Variants in IQCK observed in about 807,000 individuals in gnomAD.
IQCK encodes IQ domain-containing protein K.
In IQCK, 29 loss-of-function variants were observed where a neutral mutation model predicts 28.1. The observed-to-expected ratio is 1.03, with a 90% CI of 0.77 to 1.41. The LOEUF is 1.41. Ranked by LOEUF, IQCK falls within the 40% of genes most tolerant of loss-of-function variation. IQCK has a pLI of 0.00. For missense variants in IQCK, 359 were observed against 314.7 expected, an observed-to-expected ratio of 1.14 and a Z score of -1.07; for synonymous variants, 113 against 115.1, an observed-to-expected ratio of 0.98 and a Z score of 0.12.
At chr16:19,820,010 A>C (rs56871459) in intron 7 of IQCK, among the ~76,000 whole-genome samples, 3 of 152,048 alleles carry the variant, frequency 2.0e-5, no homozygotes, top group African/African-American at 7.3e-5. Flanking sequence ...CTCTTCAACA[A>C]ATGGCTCTGG....
At chr16:19,856,046 C>T (rs12930611) in intron 9 of IQCK, among the ~76,000 whole-genome samples, 11,439 of 152,090 alleles carry the variant, frequency 0.075, 700 homozygotes, top group South Asian at 0.28. Flanking sequence ...CAGACCATGA[C>T]ATAAGAGAAA....
In IQCK at chr16:19,825,886, G is replaced by A. The variant is rs2056142813; in HGVS notation, c.691-1140G>A. 6.6e-6 allele frequency among the ~76,000 whole-genome samples: 1 copy of A among 152,342 alleles called. No individual in the cohort carries two copies. The highest frequency in any genetic ancestry group is 6.5e-5 in the Admixed American group (1 of 15,306). ...TTAACTGTGGTGAACCTAGAACTGT[G>A]CTGTTCTATATAGTAGCCACCAGCT... On this transcript the variant is annotated intron_variant, in intron 7 of 7. Transcript: ENST00000564186. The surrounding 1 kb of genome is among the most constrained non-coding windows in gnomAD (Gnocchi z 4.2).
intron 9 of IQCK, among the ~76,000 whole-genome samples, chr16:19,849,629 G>T (rs1275861310): frequency 6.6e-6 from 1 of 151,816 alleles, no homozygotes; most frequent in Middle Eastern, 3.2e-3. Flanking sequence ...GGGCATGGTG[G>T]TGCACACCTG....
At chr16:19,776,249 G>C (rs2055393216) in intron 6 of IQCK, among the ~76,000 whole-genome samples, 2 of 152,142 alleles carry the variant, frequency 1.3e-5, no homozygotes, top group Admixed American at 1.3e-4. Context: ...TCTCAAGCCA[G>C]TGCATAGCAG....
intron 7 of IQCK, among the ~76,000 whole-genome samples, chr16:19,810,188 G>T (rs1567565804): frequency 6.6e-6 from 1 of 152,144 alleles, no homozygotes. Context: ...CCTTGACTCG[G>T]TTTCCTCTTT....
rs544985401 is a variant in IQCK, at chr16:19,767,613, G to A, written c.605+3501G>A. ...TTTCCGCTGAAGTGCTCCTCTCGAC[G>A]TTTGGCTGCCTGGGTGTCTGCCCGC... On this transcript the variant is annotated intron_variant, in intron 6 of 7. Transcript: ENST00000564186. 3.3e-5 allele frequency among the ~76,000 whole-genome samples: 5 copies of A among 152,192 alleles called. No individual in the cohort carries two copies. The South Asian group carries it at 6.2e-4, about 19-fold the overall frequency.
chr16:19,751,676 T>C (rs946949357), intron 4 of IQCK, among the ~76,000 whole-genome samples: 2 of 151,492 alleles, frequency 1.3e-5, no homozygotes, highest in African/African-American at 2.4e-5. Context: ...TAGCTTCCTT[T>C]AACAAAGAGC....
At chr16:19,766,375 C>T (rs1469833256) in intron 6 of IQCK, among the ~76,000 whole-genome samples, 1 of 152,220 alleles carries the variant, frequency 6.6e-6, no homozygotes, top group Non-Finnish European at 1.5e-5. Flanking sequence ...TGAGACCATC[C>T]ACGTGCCCTT....
chr16:19,718,705 G>A (rs927589313), intron 1 of IQCK, among the ~76,000 whole-genome samples: 2 of 152,252 alleles, frequency 1.3e-5, no homozygotes, highest in African/African-American at 4.8e-5. Flanking sequence ...TCCGTAGTGA[G>A]GTTAAAGGCA....
intron 6 of IQCK, among the ~76,000 whole-genome samples, chr16:19,772,513 ATTAC>A (rs2055333311): frequency 6.6e-6 from 1 of 152,174 alleles, no homozygotes; most frequent in South Asian, 2.1e-4. Context: ...TTAAAAAGTT[ATTAC>A]TTTTCAGAGA....
chr16:19,819,878 CT>C (rs1226410053), intron 7 of IQCK, among the ~76,000 whole-genome samples: 5 of 150,376 alleles, frequency 3.3e-5, no homozygotes, highest in Non-Finnish European at 7.4e-5. Flanking sequence ...TACAGTTTAA[CT>C]TGAAAAAAAA....
chr16:19,840,031 C>CAA (rs34066297), intron 9 of IQCK, among the ~76,000 whole-genome samples: 2,623 of 118,012 alleles, frequency 0.022, 76 homozygotes, highest in African/African-American at 0.078. Flanking sequence ...GAACTGTTTC[C>CAA]AAAAAAAAAA....
At chr16:19,817,213 G>A (rs2056001019) in intron 7 of IQCK, among the ~76,000 whole-genome samples, 1 of 152,124 alleles carries the variant, frequency 6.6e-6, no homozygotes. Flanking sequence ...AAAAATAAAA[G>A]TAGAAAGCTC....
chr16:19,738,985 T>C (rs984274271), intron 4 of IQCK, among the ~76,000 whole-genome samples: 11 of 152,168 alleles, frequency 7.2e-5, no homozygotes, highest in African/African-American at 2.7e-4. Flanking sequence ...TCTCACCCTC[T>C]GGGAACCCCC....
At chr16:19,835,768 A>G (rs1050024725) in intron 9 of IQCK, among the ~76,000 whole-genome samples, 1 of 151,952 alleles carries the variant, frequency 6.6e-6, no homozygotes, top group Non-Finnish European at 1.5e-5. Context: ...TATTTTTAGT[A>G]GAGACGGGGT....
At chr16:19,733,294 C>T (rs1019679866) in intron 2 of IQCK, among the ~76,000 whole-genome samples, 11 of 152,012 alleles carry the variant, frequency 7.2e-5, no homozygotes, top group African/African-American at 2.4e-4. Flanking sequence ...CCCGCCACCA[C>T]GCCTGGCTAC....
intron 9 of IQCK, among the ~76,000 whole-genome samples, chr16:19,852,477 A>G (rs1410962942): frequency 6.6e-6 from 1 of 152,044 alleles, no homozygotes; most frequent in Non-Finnish European, 1.5e-5. Flanking sequence ...CCATGAAGCC[A>G]CTTCTCTGAC....
intron 4 of IQCK, among the ~76,000 whole-genome samples, chr16:19,755,668 G>C (rs1567544239): frequency 6.6e-6 from 1 of 152,178 alleles, no homozygotes; most frequent in Non-Finnish European, 1.5e-5. Flanking sequence ...CATAAGCAAT[G>C]GTCCAGGTCT....
At chr16:19,821,183 GA>G (rs1349913725) in intron 7 of IQCK, among the ~76,000 whole-genome samples, 1 of 151,480 alleles carries the variant, frequency 6.6e-6, no homozygotes, top group Non-Finnish European at 1.5e-5. Flanking sequence ...TTTAATTTAA[GA>G]AAAAATTAAA....
Sources: allele counts gnomAD v4.1 joint callset (sites outside exome capture counted in the v4.1 genomes callset), GRCh38; gene constraint gnomAD v4.1.1; non-coding constraint Gnocchi (gnomAD v3.1); transcripts MANE v1.5; gene names NCBI Gene and HGNC (gene_info 2026-07-23, HGNC 2026-07-21).